RBFOX1: variants seen among roughly 807,000 people sequenced by gnomAD.
RBFOX1 encodes RNA binding fox-1 homolog 1, also known as RNA binding protein fox-1 homolog 1.
RBFOX1 carries 8 observed loss-of-function variants against 57.7 expected under a neutral mutation model. That is an observed-to-expected ratio of 0.14 (90% CI 0.08 to 0.25). The LOEUF (loss-of-function observed/expected upper bound fraction) is 0.25. Ranked by LOEUF, RBFOX1 falls within the 10% of genes least tolerant of loss-of-function variation. RBFOX1 has a pLI of 1.00. For missense variants in RBFOX1, 611 were observed against 548.5 expected, an observed-to-expected ratio of 1.11 and a Z score of -1.14; for synonymous variants, 326 against 222.4, an observed-to-expected ratio of 1.47 and a Z score of -4.15.
intron 1 of RBFOX1, among the ~76,000 whole-genome samples, chr16:5,454,641 C>G (rs1265955037): frequency 6.6e-6 from 1 of 152,174 alleles, no homozygotes; most frequent in Non-Finnish European, 1.5e-5. Context: ...ATCTACTCTA[C>G]CTGGGTCTCT....
intron 1 of RBFOX1, among the ~76,000 whole-genome samples, chr16:5,325,869 A>G (rs1236494126): frequency 3.3e-5 from 5 of 152,210 alleles, no homozygotes; most frequent in Non-Finnish European, 7.3e-5. Flanking sequence ...GGCAATTTGA[A>G]ATAGAGCTTC....
intron 2 of RBFOX1, among the ~76,000 whole-genome samples, chr16:6,481,737 T>G (rs2095373926): frequency 6.6e-6 from 1 of 152,182 alleles, no homozygotes; most frequent in Non-Finnish European, 1.5e-5. Context: ...GTGGAGCATG[T>G]TCTTCATGGC....
intron 3 of RBFOX1, among the ~76,000 whole-genome samples, chr16:7,019,298 G>A (rs529464306): frequency 5.3e-5 from 8 of 152,208 alleles, no homozygotes; most frequent in Admixed American, 1.3e-4. Flanking sequence ...AAATGCTGAT[G>A]TTTAGGATGA....
intron 3 of RBFOX1, among the ~76,000 whole-genome samples, chr16:5,854,378 C>T (rs186003717): frequency 4.5e-4 from 68 of 152,280 alleles, no homozygotes; most frequent in African/African-American, 1.4e-3. Context: ...TTCTAGTCTC[C>T]GCTTTTGTGA....
At chr16:5,451,592 A>G (rs1567529840) in intron 1 of RBFOX1, among the ~76,000 whole-genome samples, 2 of 152,240 alleles carry the variant, frequency 1.3e-5, no homozygotes. Flanking sequence ...AAGAGCAGAT[A>G]GAAACAGAAA....
At chr16:6,989,580 G>C (rs927326417) in intron 3 of RBFOX1, among the ~76,000 whole-genome samples, 7 of 152,160 alleles carry the variant, frequency 4.6e-5, no homozygotes, top group Non-Finnish European at 7.3e-5. Flanking sequence ...AACAGGTACA[G>C]CTGTGGAGAA....
At chr16:5,732,441 G>C (rs1422177163) in intron 3 of RBFOX1, among the ~76,000 whole-genome samples, 1 of 152,192 alleles carries the variant, frequency 6.6e-6, no homozygotes. Flanking sequence ...CTCTCCAAGA[G>C]ATTCAAACTG....
rs574756304 is a variant in RBFOX1 at position 7,255,575 on chromosome 16, A to C, written c.27+203477A>C. On this transcript the variant is annotated intron_variant, in intron 4 of 15. Coordinates refer to ENST00000550418, the MANE Select transcript of RBFOX1 (RefSeq NM_018723.4). ...GCACCACATTATCTATTTTTAAAGC[A>C]TGTTTATATTTGTGCATGCATGGGC... Among the ~76,000 whole-genome samples, 16 of 152,354 alleles carry C rather than the reference A, an allele frequency of 1.1e-4. No homozygotes were observed. The South Asian group carries it at 1.9e-3, about 18-fold the overall frequency.
intron 3 of RBFOX1, among the ~76,000 whole-genome samples, chr16:5,812,382 C>T (rs1000680391): frequency 6.6e-6 from 1 of 151,906 alleles, no homozygotes; most frequent in African/African-American, 2.4e-5. Context: ...GTGGTTGAAC[C>T]ATGTTACATT....
intron 4 of RBFOX1, among the ~76,000 whole-genome samples, chr16:7,080,707 A>G (rs1035113203): frequency 2.0e-5 from 3 of 152,076 alleles, no homozygotes; most frequent in African/African-American, 4.8e-5. Context: ...GTGTTAGGGT[A>G]TGCTTCCCAT....
intron 1 of RBFOX1, chr16:5,366,328 A>G (rs2065714735): frequency 5.5e-6 from 2 of 364,800 alleles, no homozygotes; most frequent in Middle Eastern, 9.3e-4. Context: ...GATGATGATG[A>G]TTTTGATGAT....
At chr16:7,617,345 T>C (rs1368515149) in intron 10 of RBFOX1, among the ~76,000 whole-genome samples, 1 of 152,214 alleles carries the variant, frequency 6.6e-6, no homozygotes, top group African/African-American at 2.4e-5. Context: ...TTAGATTTTA[T>C]ACAATTTTCA....
At chr16:7,342,474 G>C (rs566325356) in intron 4 of RBFOX1, among the ~76,000 whole-genome samples, 2 of 152,340 alleles carry the variant, frequency 1.3e-5, no homozygotes, top group Non-Finnish European at 2.9e-5. Flanking sequence ...TCAGCTCATT[G>C]TACCAACGCC....
intron 3 of RBFOX1, among the ~76,000 whole-genome samples, chr16:6,715,677 G>C (rs1004480031): frequency 6.6e-6 from 1 of 152,172 alleles, no homozygotes; most frequent in Non-Finnish European, 1.5e-5. Context: ...ATTTCTTGAA[G>C]ATGAAGCAGC....
intron 2 of RBFOX1, among the ~76,000 whole-genome samples, chr16:6,578,921 C>CA (rs1437734471): frequency 6.6e-6 from 1 of 151,834 alleles, no homozygotes; most frequent in Non-Finnish European, 1.5e-5. Context: ...TAAAAGACTG[C>CA]AAATTGGGTA....
rs186383760 is a variant in RBFOX1, at chr16:6,425,717, A to G, written c.-64+108660A>G. Among the ~76,000 whole-genome samples, 369 of 149,088 alleles carry G rather than the reference A, an allele frequency of 2.5e-3. 3 individuals are homozygous for G. The highest frequency in any genetic ancestry group is 9.0e-3 in the African/African-American group (348 of 38,824). On this transcript the variant is annotated intron_variant, in intron 2 of 15. Coordinates refer to ENST00000550418, the MANE Select transcript of RBFOX1 (RefSeq NM_018723.4). ...TTTATTCTGTGGATCTAATTCATAC[A>G]CACACACACACGAACGTTTTGATAG...
chr16:6,875,399 G>T (rs1340794401), intron 3 of RBFOX1, among the ~76,000 whole-genome samples: 1 of 152,156 alleles, frequency 6.6e-6, no homozygotes, highest in African/African-American at 2.4e-5. Context: ...GAAGCTGGTA[G>T]TGGTTTTTGA....
chr16:6,844,199 TC>T (rs1380274679), intron 3 of RBFOX1, among the ~76,000 whole-genome samples: 60 of 152,162 alleles, frequency 3.9e-4, no homozygotes, highest in African/African-American at 1.4e-3. Context: ...TTTTTTTTTT[TC>T]CTTCATGTTT....
intron 4 of RBFOX1, among the ~76,000 whole-genome samples, chr16:7,502,270 G>GGTTCCCTCTTTTTCT (rs1203939395): frequency 1.5e-3 from 228 of 152,336 alleles, no homozygotes; most frequent in African/African-American, 5.3e-3. Context: ...TGATTACTAT[G>GGTTCCCTCTTTTTCT]TGCGGAAGAA....
Sources: allele counts gnomAD v4.1 joint callset (sites outside exome capture counted in the v4.1 genomes callset), GRCh38; gene constraint gnomAD v4.1.1; transcripts MANE v1.5; gene names NCBI Gene and HGNC (gene_info 2026-07-23, HGNC 2026-07-21).